Variants in RSRC1 observed in about 807,000 individuals in gnomAD.
The protein encoded by RSRC1 is arginine and serine rich coiled-coil 1.
A neutral mutation model predicts 49.1 loss-of-function variants in RSRC1; 39 were observed. That is an observed-to-expected ratio of 0.79 (90% CI 0.61 to 1.04). The LOEUF (loss-of-function observed/expected upper bound fraction) is 1.04, where lower values mean the gene tolerates loss of function less well. Among genes scored for constraint, RSRC1 ranks in the 50% least tolerant of loss-of-function variants. The pLI is 0.00. For missense variants in RSRC1, 388 were observed against 402.4 expected (o/e 0.96, Z 0.31); for synonymous variants, 143 against 130.8 (o/e 1.09, Z -0.63).
chr3:158,141,400 A>G (rs1479570182), intron 3 of RSRC1, among the ~76,000 whole-genome samples: 1 of 152,196 alleles, frequency 6.6e-6, no homozygotes, highest in African/African-American at 2.4e-5. Context: ...ATAATTTTGC[A>G]TGTTCTTTAA....
At chr3:158,314,402 T>A (rs1728301861) in intron 5 of RSRC1, among the ~76,000 whole-genome samples, 3 of 88,278 alleles carry the variant, frequency 3.4e-5, no homozygotes, top group African/African-American at 8.4e-5. Flanking sequence ...CGAAAAAAAA[T>A]TCTTTTTTTT....
intron 5 of RSRC1, among the ~76,000 whole-genome samples, chr3:158,299,368 CT>C (rs1009230914): frequency 6.6e-6 from 1 of 151,852 alleles, no homozygotes; most frequent in Non-Finnish European, 1.5e-5. Context: ...GAGCCTCGCT[CT>C]TTCTCCCAGA....
chr3:158,404,995 CTA>C (rs1338312596), intron 6 of RSRC1, among the ~76,000 whole-genome samples: 2 of 151,904 alleles, frequency 1.3e-5, no homozygotes, highest in African/African-American at 2.4e-5. Context: ...TATACTCTGA[CTA>C]AACTTCAACA....
intron 5 of RSRC1, among the ~76,000 whole-genome samples, chr3:158,337,184 G>A (rs201126601): frequency 1.3e-5 from 2 of 152,158 alleles, no homozygotes; most frequent in Admixed American, 6.5e-5. Flanking sequence ...CGCTTCCCAC[G>A]CGGAGAGCGA....
intron 3 of RSRC1, among the ~76,000 whole-genome samples, chr3:158,180,089 G>A (rs1559931668): frequency 6.6e-6 from 1 of 151,770 alleles, no homozygotes; most frequent in Admixed American, 6.6e-5. Flanking sequence ...TTTTTTTGTT[G>A]TTGTTGTTTT....
intron 7 of RSRC1, among the ~76,000 whole-genome samples, chr3:158,499,149 G>A (rs374642255): frequency 5.6e-4 from 85 of 152,128 alleles, no homozygotes; most frequent in Admixed American, 4.5e-3. Flanking sequence ...AAGCCGAGGC[G>A]GACTGGTCAT....
At chr3:158,223,770 A>G (rs1722357923) in intron 4 of RSRC1, among the ~76,000 whole-genome samples, 1 of 151,578 alleles carries the variant, frequency 6.6e-6, no homozygotes, top group Non-Finnish European at 1.5e-5. Context: ...ACTCCAGTTT[A>G]TCTCACGCCA....
At chr3:158,404,699 A>C (rs183850655) in intron 6 of RSRC1, among the ~76,000 whole-genome samples, 122 of 152,102 alleles carry the variant, frequency 8.0e-4, no homozygotes, top group Non-Finnish European at 1.5e-3. Context: ...TAAATGTGAT[A>C]ATCCTGAAGT....
intron 5 of RSRC1, among the ~76,000 whole-genome samples, chr3:158,345,844 A>T (rs1207931206): frequency 6.7e-6 from 1 of 148,236 alleles, no homozygotes; most frequent in East Asian, 1.9e-4. Context: ...AATAAACAAT[A>T]ATATATATAT....
chr3:158,374,388 A>C (rs1252991016), intron 6 of RSRC1, among the ~76,000 whole-genome samples: 2 of 152,164 alleles, frequency 1.3e-5, no homozygotes, highest in African/African-American at 4.8e-5. Context: ...AGAGGACGGG[A>C]GAGGAAGTCT....
intron 3 of RSRC1, among the ~76,000 whole-genome samples, chr3:158,139,406 G>GA (rs11338700): frequency 4.9e-4 from 73 of 148,218 alleles, no homozygotes; most frequent in Middle Eastern, 6.9e-3. Flanking sequence ...ACTTAGTCTG[G>GA]AAAAAAAAAA....
chr3:158,533,343 A>C (rs530759126), intron 7 of RSRC1, among the ~76,000 whole-genome samples: 1 of 151,862 alleles, frequency 6.6e-6, no homozygotes, highest in East Asian at 1.9e-4. Flanking sequence ...CTGCTCTGTC[A>C]CTTTGTTAGT....
chr3:158,448,186 A>T (rs1227457942), intron 6 of RSRC1, among the ~76,000 whole-genome samples: 1 of 151,972 alleles, frequency 6.6e-6, no homozygotes, highest in Non-Finnish European at 1.5e-5. Flanking sequence ...ACACAGAATG[A>T]TGAAATTATT....
intron 4 of RSRC1, chr3:158,275,896 C>G (rs1008970077): frequency 2.9e-6 from 2 of 678,712 alleles, no homozygotes; most frequent in Non-Finnish European, 5.2e-6. Context: ...ACTTATGGCC[C>G]TTTCAAAGGC....
intron 1 of RSRC1, among the ~76,000 whole-genome samples, chr3:158,115,595 T>C (rs1714744633): frequency 6.6e-6 from 1 of 152,180 alleles, no homozygotes; most frequent in African/African-American, 2.4e-5. Flanking sequence ...ACCCAAAATA[T>C]GGTAACATAA....
chr3:158,457,617 A>C (rs1737398670), intron 6 of RSRC1, among the ~76,000 whole-genome samples: 1 of 152,220 alleles, frequency 6.6e-6, no homozygotes, highest in Admixed American at 6.5e-5. Context: ...ACAGGTGAGC[A>C]AAAGAAACAG....
chr3:158,243,703 A>G (rs1361519488), intron 4 of RSRC1, among the ~76,000 whole-genome samples: 1 of 151,988 alleles, frequency 6.6e-6, no homozygotes, highest in Non-Finnish European at 1.5e-5. Context: ...TGTTTGTGTC[A>G]TGTCTGATTT....
intron 4 of RSRC1, among the ~76,000 whole-genome samples, chr3:158,262,179 G>A (rs146284531): frequency 7.9e-5 from 12 of 152,090 alleles, no homozygotes; most frequent in East Asian, 7.7e-4. Context: ...CATGTGTTTC[G>A]TGTTGATCTA....
chr3:158,368,002 T>C (rs1437117302), intron 6 of RSRC1, among the ~76,000 whole-genome samples: 1 of 151,598 alleles, frequency 6.6e-6, no homozygotes, highest in East Asian at 1.9e-4. Context: ...TACACGTTTA[T>C]ATTTGAGTGG....
Sources: allele counts gnomAD v4.1 joint callset (sites outside exome capture counted in the v4.1 genomes callset), GRCh38; gene constraint gnomAD v4.1.1; transcripts MANE v1.5; gene names NCBI Gene and HGNC (gene_info 2026-07-23, HGNC 2026-07-21).